The following UPP2 variants were observed in gnomAD, a reference collection of about 807,000 sequenced individuals.
UPP2 encodes uridine phosphorylase 2.
Under a neutral mutation model 26.7 loss-of-function variants are expected in UPP2, and 23 were observed. The ratio of observed to expected loss-of-function variants is 0.86; its 90% CI spans 0.62 to 1.22. The LOEUF is 1.22. Among genes scored for constraint, UPP2 ranks in the 50% most tolerant of loss-of-function variants. The probability of loss-of-function intolerance (pLI) is 0.00; values close to 1 mark genes in which losing one functional copy is unlikely to be tolerated. For synonymous variants in UPP2, 127 were observed against 141.3 expected (o/e 0.90, Z 0.72); for missense variants, 387 against 396.7 (o/e 0.98, Z 0.21).
intron 4 of UPP2, among the ~76,000 whole-genome samples, chr2:158,119,642 A>G (rs956208120): frequency 6.6e-6 from 1 of 152,056 alleles, no homozygotes; most frequent in African/African-American, 2.4e-5. Context: ...TTTTATGTAT[A>G]TATTTTCAAC....
In UPP2 at chr2:158,090,141, A is replaced by G. The variant is rs566231720; in HGVS notation, c.148-11899A>G. Among the ~76,000 whole-genome samples the G allele has an allele frequency of 5.3e-5, 8 of 152,248 alleles. No individual in the cohort carries two copies. In the South Asian group the frequency reaches 1.7e-3, roughly 32 times the overall value. ...GGAATGTTCCTAACACAAATAAATA[A>G]ATTCTTGAGGTGATGGATACCTTAA... On this transcript the variant is annotated intron_variant, in intron 3 of 9. Transcript: ENST00000605860.
intron 4 of UPP2, among the ~76,000 whole-genome samples, chr2:158,119,968 C>T (rs1456399625): frequency 6.6e-6 from 1 of 150,862 alleles, no homozygotes; most frequent in Non-Finnish European, 1.5e-5. Context: ...CTGAGATCAC[C>T]CCACTACATT....
At chr2:158,037,460 C>T (rs1207194966) in intron 3 of UPP2, among the ~76,000 whole-genome samples, 2 of 152,182 alleles carry the variant, frequency 1.3e-5, no homozygotes, top group African/African-American at 2.4e-5. Flanking sequence ...AACTGGATAG[C>T]TTAAAATCAC....
intron 6 of UPP2, among the ~76,000 whole-genome samples, chr2:158,124,586 G>A (rs562571715): frequency 2.6e-5 from 4 of 152,348 alleles, no homozygotes; most frequent in African/African-American, 9.6e-5. Flanking sequence ...CCCGAATGGG[G>A]TCAAGGGCAG....
chr2:158,115,111 T>G lies in UPP2; in HGVS notation c.191T>G (p.Val64Gly). ...AMFGDVKFVC[V>G]GGSPNRMKAF... The stretch of plus-strand genomic sequence containing the variant: ...TATTTTTATTAACAGTTTGTCTGTG[T>G]CGGTGGGAGCCCCAACAGAATGAAA... The change falls in exon 3 of 7, where the codon GTC (valine) becomes GGC (glycine). Residue 64 changes from valine (V) to glycine (G), a missense_variant. Physicochemically the swap from Val to Gly is moderately radical, Grantham distance 109. Transcript: ENST00000005756. 2 of 1,605,910 alleles carry G rather than the reference T, an allele frequency of 1.2e-6. No individual in the cohort carries two copies. Among genetic ancestry groups the G allele is most frequent in the African/African-American group, 1.3e-5 (1 of 74,348 alleles).
chr2:158,089,401 A>C (rs2105200951), intron 3 of UPP2, among the ~76,000 whole-genome samples: 1 of 152,286 alleles, frequency 6.6e-6, no homozygotes, highest in East Asian at 1.9e-4. Context: ...CCAGGCTACC[A>C]GCCTCCTGGT....
Position 157,995,283 on chromosome 2 carries a change from A to G in UPP2, c.61+24A>G, listed in dbSNP as rs1683307879. On this transcript the variant is annotated intron_variant, in intron 2 of 9. Coordinates refer to the UPP2 transcript ENST00000605860. ...AGGTTAGTGAGGGAAGAGGAGAAATACATTCATGTCTAAGCACATGTGTCT... is the reference window on the plus strand; with the variant it reads ...AGGTTAGTGAGGGAAGAGGAGAAATGCATTCATGTCTAAGCACATGTGTCT... 10 of 1,612,012 alleles carry G rather than the reference A, an allele frequency of 6.2e-6. 1 individual carries two copies. In the East Asian group the frequency reaches 2.0e-4, roughly 32 times the overall value.
chr2:158,016,244 T>C lies in UPP2; in HGVS notation c.147+358T>C, dbSNP rs6718722. ...TGTCTTTTAGTGCCCATTGTGTTTA[T>C]TGAATACTTTATAGGGATCAAGTTG... On this transcript the variant is annotated intron_variant, in intron 3 of 9. Coordinates refer to the UPP2 transcript ENST00000605860. Among the ~76,000 whole-genome samples the C allele has an allele frequency of 5.9e-3, 893 of 152,278 alleles. 12 individuals are homozygous for C. The highest frequency in any genetic ancestry group is 0.02 in the African/African-American group (812 of 41,544).
Position 158,065,923 on chromosome 2 carries a change from ATG to A in UPP2, c.148-36116_148-36115del, listed in dbSNP as rs1682427100. The A allele has an allele frequency of 7.1e-6, 4 of 567,216 alleles. No individual in the cohort carries two copies. The East Asian group carries it at 1.4e-4, about 20-fold the overall frequency. The allele number at this position is 567,216 out of a possible 1,614,324, so 35.1% of individuals were successfully genotyped here. A position where few individuals can be genotyped will look rare whatever the true frequency, so the allele number is the denominator to read the frequency against. ...TTAATTGAAGGCAAAATGAAAGATG[ATG>A]ATGCAGTACAATTCGCAAGAAAAAA... On this transcript the variant is annotated intron_variant, in intron 3 of 9. Transcript: ENST00000605860.
chr2:158,117,385 T>A (rs1400154885), intron 3 of UPP2, among the ~76,000 whole-genome samples: 5 of 152,066 alleles, frequency 3.3e-5, no homozygotes, highest in Admixed American at 2.0e-4. Context: ...TGAAATGGAT[T>A]CACTATTTCA....
intron 3 of UPP2, among the ~76,000 whole-genome samples, chr2:158,070,696 T>C (rs1682525082): frequency 6.6e-6 from 1 of 152,342 alleles, no homozygotes; most frequent in Admixed American, 6.5e-5. Flanking sequence ...AAAAATGCAC[T>C]GTCATAAGAA....
intron 2 of UPP2, chr2:157,995,336 T>A: frequency 1.3e-6 from 2 of 1,494,098 alleles, no homozygotes; most frequent in African/African-American, 1.4e-5. Flanking sequence ...CAGTACAAAT[T>A]AATTTTGAAT....
At chr2:158,013,773 T>C (rs1172507370) in intron 2 of UPP2, among the ~76,000 whole-genome samples, 2 of 152,172 alleles carry the variant, frequency 1.3e-5, no homozygotes, top group African/African-American at 2.4e-5. Context: ...CAGTAAAACC[T>C]AAAGGAAGAA....
chr2:158,017,906 C>A (rs1237340920), intron 3 of UPP2, among the ~76,000 whole-genome samples: 2 of 152,132 alleles, frequency 1.3e-5, no homozygotes, highest in Non-Finnish European at 2.9e-5. Flanking sequence ...AGCTTATATA[C>A]TTTGAAAATA....
chr2:158,096,539 C>A (rs111661457), intron 3 of UPP2, among the ~76,000 whole-genome samples: 1 of 152,094 alleles, frequency 6.6e-6, no homozygotes, highest in African/African-American at 2.4e-5. Context: ...GCGGAGGTTG[C>A]GGTGAACTGA....
Position 158,001,957 on chromosome 2 carries a change from CAAA to C in UPP2, c.61+6721_61+6723del, listed in dbSNP as rs200818827. ...CTGGTTGCCTGGGGAGAATGAGCACCAAAAAAAAAAAAAAAAAAAAAAAAAGAA... is the reference window on the plus strand; with the variant it reads ...CTGGTTGCCTGGGGAGAATGAGCACCAAAAAAAAAAAAAAAAAAAAAAGAA... On this transcript the variant is annotated intron_variant, in intron 2 of 9. Coordinates refer to the UPP2 transcript ENST00000605860. 1.4e-4 allele frequency among the ~76,000 whole-genome samples: 9 copies of C among 65,498 alleles called. No homozygotes were observed. The East Asian group carries it at 1.4e-3, about 10-fold the overall frequency. 43.0% of individuals were successfully genotyped at this position (65,498 alleles called of 152,430 possible). A position where few individuals can be genotyped will look rare whatever the true frequency, so the allele number is the denominator to read the frequency against.
chr2:158,088,901 ACT>A (rs1372434343), intron 3 of UPP2, among the ~76,000 whole-genome samples: 3 of 151,720 alleles, frequency 2.0e-5, no homozygotes, highest in Admixed American at 2.0e-4. Context: ...AGTGAAGTGG[ACT>A]CTGTGAGGGT....
chr2:158,012,765 GT>G (rs1166807614), intron 2 of UPP2, among the ~76,000 whole-genome samples: 2 of 152,006 alleles, frequency 1.3e-5, no homozygotes, highest in East Asian at 3.9e-4. Context: ...AATTTATGAA[GT>G]CACTACAAGG....
rs539569830 is a variant in UPP2 at position 158,043,760 on chromosome 2, T to C, written c.147+27874T>C. 8.1e-4 allele frequency among the ~76,000 whole-genome samples: 124 copies of C among 152,258 alleles called. 1 individual carries two copies. Among genetic ancestry groups the C allele is most frequent in the Non-Finnish European group, 1.1e-3 (73 of 68,016 alleles). ...CGACCATCTGGTTGGGGAGATAAGA[T>C]CAAGACACTTGAAATTGGAAGCAGT... On this transcript the variant is annotated intron_variant, in intron 3 of 9. Coordinates refer to the UPP2 transcript ENST00000605860.
Sources: gnomAD v4.1 joint callset for allele counts (sites outside exome capture counted in the v4.1 genomes callset) on GRCh38, gnomAD v4.1.1 for gene constraint, MANE v1.5 for transcripts, NCBI Gene and HGNC (gene_info 2026-07-23, HGNC 2026-07-21) for gene names.